Variants in OR56A3 observed in about 807,000 individuals in gnomAD.
OR56A3 encodes the protein olfactory receptor 56A3.
A neutral mutation model predicts 17.5 loss-of-function variants in OR56A3; 23 were observed. The observed-to-expected ratio is 1.32, with a 90% CI of 0.95 to 1.87. The LOEUF (loss-of-function observed/expected upper bound fraction) is 1.87, where lower values mean the gene tolerates loss of function less well. Ranked by LOEUF, OR56A3 falls within the 40% of genes most tolerant of loss-of-function variation. OR56A3 has a pLI of 0.00. For missense variants in OR56A3, 366 were observed against 380.1 expected, an observed-to-expected ratio of 0.96 and a Z score of 0.31; for synonymous variants, 175 against 150.6, an observed-to-expected ratio of 1.16 and a Z score of -1.19.
chr11:5,975,716 T>C, the OR56A3 span, among the ~76,000 whole-genome samples: 1 of 152,102 alleles, frequency 6.6e-6, no homozygotes, highest in Non-Finnish European at 1.5e-5. Context: ...CCTTTGGGCA[T>C]ATACCCAGTA....
the OR56A3 span, among the ~76,000 whole-genome samples, chr11:5,972,485 T>A: frequency 6.6e-6 from 1 of 152,104 alleles, no homozygotes; most frequent in African/African-American, 2.4e-5. Context: ...TACAACAGAT[T>A]AGGTCCTGCT....
rs1489370193 is a variant in OR56A3, at chr11:5,949,938, A to G, written c.*1644A>G. The G allele has an allele frequency of 1.3e-5, 2 of 152,234 alleles. No homozygotes were observed. The highest frequency in any genetic ancestry group is 2.9e-5 in the Non-Finnish European group (2 of 68,034). 9.4% of individuals were successfully genotyped at this position (152,234 alleles called of 1,614,324 possible). Reference sequence around the variant, plus strand: ...AAAAGCCATCTGTTAAGATCCGAGTAGATACACCTTTTTCTTTATTACTCA... The same window carrying G: ...AAAAGCCATCTGTTAAGATCCGAGTGGATACACCTTTTTCTTTATTACTCA... On this transcript the variant is annotated 3_prime_UTR_variant, in exon 3 of 3. Coordinates refer to ENST00000641160, the MANE Select transcript of OR56A3 (RefSeq NM_001003443.3).
the OR56A3 span, among the ~76,000 whole-genome samples, chr11:5,969,654 C>T: frequency 6.6e-6 from 1 of 152,218 alleles, no homozygotes; most frequent in African/African-American, 2.4e-5. Context: ...TCAAGTCTCT[C>T]ATATCTTAAT....
the OR56A3 span, among the ~76,000 whole-genome samples, chr11:5,974,575 T>C: frequency 1.3e-5 from 2 of 152,324 alleles, no homozygotes; most frequent in East Asian, 3.9e-4. Context: ...TAACTAACTT[T>C]CCAAGGCAAA....
chr11:5,969,321 C>A, the OR56A3 span, among the ~76,000 whole-genome samples: 1 of 152,186 alleles, frequency 6.6e-6, no homozygotes, highest in Non-Finnish European at 1.5e-5. Context: ...AGCAATTTTC[C>A]ATATTTTCTA....
chr11:5,967,424 T>C, the OR56A3 span: 24 of 682,728 alleles, frequency 3.5e-5, no homozygotes, highest in South Asian at 2.3e-4. Flanking sequence ...CTATAATCAA[T>C]TGAAACACTG....
the OR56A3 span, chr11:6,002,104 C>T: frequency 6.2e-7 from 1 of 1,612,010 alleles, no homozygotes; most frequent in African/African-American, 1.3e-5. Flanking sequence ...TTGGTTCTCA[C>T]ACCATAAACA....
chr11:5,996,588 A>C, the OR56A3 span, among the ~76,000 whole-genome samples: 1 of 152,084 alleles, frequency 6.6e-6, no homozygotes, highest in Non-Finnish European at 1.5e-5. Flanking sequence ...TGGTAATAAG[A>C]GCACCGTTCT....
At chr11:5,953,105 C>T (rs542862822), downstream of OR56A3, among the ~76,000 whole-genome samples, 23 of 152,232 alleles carry the variant, frequency 1.5e-4, no homozygotes, top group South Asian at 2.9e-3. Flanking sequence ...AATAGTGCTG[C>T]GATAAATGTG....
At chr11:6,016,828 A>AG in the OR56A3 span, among the ~76,000 whole-genome samples, 1,247 of 151,676 alleles carry the variant, frequency 8.2e-3, 14 homozygotes, top group African/African-American at 0.028. Context: ...ATTAAAAAAA[A>AG]AAGAAAAGAA....
At chr11:6,002,992 T>G in the OR56A3 span, 2 of 1,614,154 alleles carry the variant, frequency 1.2e-6, no homozygotes, top group Admixed American at 1.7e-5. Context: ...GGAGATGCCA[T>G]GTAAAGTTTC....
At chr11:5,982,240 G>A in the OR56A3 span, among the ~76,000 whole-genome samples, 2 of 152,180 alleles carry the variant, frequency 1.3e-5, no homozygotes, top group Non-Finnish European at 2.9e-5. Context: ...GGCATAGTGG[G>A]GTCCACGCAT....
the OR56A3 span, chr11:5,986,314 G>C: frequency 1.2e-6 from 2 of 1,613,988 alleles, no homozygotes; most frequent in Non-Finnish European, 1.7e-6. Flanking sequence ...TTCTGAGCAG[G>C]CAAGTTTCAC....
the OR56A3 span, among the ~76,000 whole-genome samples, chr11:6,004,422 C>T: frequency 6.6e-6 from 1 of 152,158 alleles, no homozygotes; most frequent in African/African-American, 2.4e-5. Flanking sequence ...ACTGATCTTT[C>T]ACCCCTGTCC....
At chr11:6,000,988 T>C in the OR56A3 span, 72 of 152,254 alleles carry the variant, frequency 4.7e-4, no homozygotes, top group African/African-American at 1.5e-3. Flanking sequence ...CCTGGACAAA[T>C]GATGGACTTG....
At chr11:5,994,612 C>A in the OR56A3 span, 57 of 786,914 alleles carry the variant, frequency 7.2e-5, no homozygotes, top group South Asian at 7.3e-4. Flanking sequence ...CCTTGTGGAG[C>A]CCATGGATTT....
chr11:5,957,270 G>T, the OR56A3 span, among the ~76,000 whole-genome samples: 3 of 152,162 alleles, frequency 2.0e-5, no homozygotes. Flanking sequence ...ATATTTAGGA[G>T]TCTATCCTAC....
At chr11:5,967,796 AC>A in the OR56A3 span, 2 of 1,578,626 alleles carry the variant, frequency 1.3e-6, no homozygotes, top group Non-Finnish European at 1.7e-6. Context: ...TATCTCCCTC[AC>A]CCTTAATCCT....
chr11:5,992,169 A>G, the OR56A3 span, among the ~76,000 whole-genome samples: 1 of 152,184 alleles, frequency 6.6e-6, no homozygotes, highest in African/African-American at 2.4e-5. Flanking sequence ...TATTTAGTGG[A>G]TGCTGTTGTT....
Sources: gnomAD v4.1 joint callset for allele counts (sites outside exome capture counted in the v4.1 genomes callset) on GRCh38, gnomAD v4.1.1 for gene constraint, MANE v1.5 for transcripts, NCBI Gene and HGNC (gene_info 2026-07-23, HGNC 2026-07-21) for gene names.